Variants in SH2D4A observed in about 807,000 individuals in gnomAD.
SH2D4A encodes SH2 domain containing 4A.
A neutral mutation model predicts 64.7 loss-of-function variants in SH2D4A; 70 were observed. That is an observed-to-expected ratio of 1.08 (90% CI 0.89 to 1.32). SH2D4A has a LOEUF of 1.32. SH2D4A is among the 40% of genes most tolerant of loss of function. The pLI is 0.00. For synonymous variants in SH2D4A, 268 were observed against 200.7 expected (o/e 1.34, Z -2.83); for missense variants, 706 against 540.1 (o/e 1.31, Z -3.04).
chr8:19,337,822 C>T (rs1031334145), intron 4 of SH2D4A, among the ~76,000 whole-genome samples: 2 of 152,248 alleles, frequency 1.3e-5, no homozygotes, highest in African/African-American at 4.8e-5. Context: ...AACTGCCTCC[C>T]ACCAGGTTCC....
rs187918541 is a variant in SH2D4A at position 19,355,580 on chromosome 8, A to C, written c.514-1623A>C. The stretch of plus-strand genomic sequence containing the variant: ...ATTTTCTTATCACTACAATGTCAAC[A>C]TAGTGGAAAAAGCATAAACTCTGGC... On this transcript the variant is annotated intron_variant, in intron 4 of 9. Transcript: ENST00000265807. Among the ~76,000 whole-genome samples, 22 of 152,352 alleles carry C rather than the reference A, an allele frequency of 1.4e-4. No homozygotes were observed. In the East Asian group the frequency reaches 3.9e-3, roughly 27 times the overall value.
chr8:19,324,614 G>T (rs532110760), intron 2 of SH2D4A, among the ~76,000 whole-genome samples: 2 of 152,108 alleles, frequency 1.3e-5, no homozygotes, highest in East Asian at 1.9e-4. Context: ...GCCCAGTCAC[G>T]AGTGTCTTGC....
chr8:19,314,036 C>G (rs1585136056), intron 1 of SH2D4A: 1 of 15,876 alleles, frequency 6.3e-5, no homozygotes, highest in Non-Finnish European at 6.8e-5. Flanking sequence ...GGCGGGTGTC[C>G]GGTGTCCGGT....
chr8:19,348,146 A>C (rs2052640894), intron 4 of SH2D4A, among the ~76,000 whole-genome samples: 1 of 152,094 alleles, frequency 6.6e-6, no homozygotes, highest in Admixed American at 6.5e-5. Context: ...CCCAGGCTGG[A>C]GTGCCACGGT....
intron 8 of SH2D4A, among the ~76,000 whole-genome samples, chr8:19,380,334 T>C (rs2053270857): frequency 6.6e-6 from 1 of 152,234 alleles, no homozygotes; most frequent in Admixed American, 6.5e-5. Flanking sequence ...CTTTTTACTC[T>C]GTTGAGAGTG....
intron 1 of SH2D4A, among the ~76,000 whole-genome samples, chr8:19,318,337 C>T (rs967231437): frequency 2.0e-5 from 3 of 152,236 alleles, no homozygotes; most frequent in Non-Finnish European, 4.4e-5. Context: ...CTGCTGATTA[C>T]AAAAGTATGA....
At position 19,365,013 on chromosome 8, in the gene SH2D4A, G is replaced by A. The variant is rs998983708; in HGVS notation, c.917+731G>A. On this transcript the variant is annotated intron_variant, in intron 7 of 9. Coordinates refer to ENST00000265807, the MANE Select transcript of SH2D4A (RefSeq NM_022071.4). The stretch of plus-strand genomic sequence containing the variant: ...TATTGATCTTATTTTTAACATCCTA[G>A]TATTTAGAAAGAAGTATTAAAATCA... 2.6e-5 allele frequency among the ~76,000 whole-genome samples: 4 copies of A among 152,244 alleles called. No individual in the cohort carries two copies. In the East Asian group the frequency reaches 7.7e-4, roughly 29 times the overall value.
At chr8:19,370,567 G>A (rs1302789846) in intron 7 of SH2D4A, among the ~76,000 whole-genome samples, 1 of 151,852 alleles carries the variant, frequency 6.6e-6, no homozygotes, top group Non-Finnish European at 1.5e-5. Flanking sequence ...GTTGTCTTTT[G>A]GTTTCCATTT....
intron 8 of SH2D4A, among the ~76,000 whole-genome samples, chr8:19,392,636 A>G (rs1022545413): frequency 1.3e-5 from 2 of 152,112 alleles, no homozygotes; most frequent in Non-Finnish European, 1.5e-5. Flanking sequence ...CAGATCTAAC[A>G]TTCCCAGGAT....
intron 8 of SH2D4A, among the ~76,000 whole-genome samples, chr8:19,379,411 T>C (rs2053252095): frequency 6.6e-6 from 1 of 152,212 alleles, no homozygotes; most frequent in Non-Finnish European, 1.5e-5. Flanking sequence ...TGCTTACCCA[T>C]TATCTGTTGA....
At chr8:19,321,727 C>T (rs2052195210) in intron 2 of SH2D4A, among the ~76,000 whole-genome samples, 1 of 152,086 alleles carries the variant, frequency 6.6e-6, no homozygotes, top group African/African-American at 2.4e-5. Flanking sequence ...ATAATTGGGT[C>T]TCTTCTGGGC....
chr8:19,367,459 T>C (rs1288031254), intron 7 of SH2D4A, among the ~76,000 whole-genome samples: 1 of 152,154 alleles, frequency 6.6e-6, no homozygotes, highest in Non-Finnish European at 1.5e-5. Context: ...GGCAAGGTGA[T>C]ATTGTGGTTT....
chr8:19,323,949 G>A (rs2052231839), intron 2 of SH2D4A, among the ~76,000 whole-genome samples: 1 of 152,156 alleles, frequency 6.6e-6, no homozygotes, highest in African/African-American at 2.4e-5. Flanking sequence ...TGACACAGCT[G>A]GAATAGATCC....
chr8:19,367,477 C>G (rs1348568636), intron 7 of SH2D4A, among the ~76,000 whole-genome samples: 1 of 152,124 alleles, frequency 6.6e-6, no homozygotes, highest in Non-Finnish European at 1.5e-5. Context: ...TTTTGATGTG[C>G]ATTTCCCTGA....
At chr8:19,322,874 C>T (rs2052215556) in intron 2 of SH2D4A, among the ~76,000 whole-genome samples, 1 of 151,954 alleles carries the variant, frequency 6.6e-6, no homozygotes, top group Non-Finnish European at 1.5e-5. Context: ...AGGGTTTCAC[C>T]ATGTTGGCCA....
Position 19,333,082 on chromosome 8 carries a change from G to T in SH2D4A, c.309G>T (p.Arg103=). The T allele has an allele frequency of 6.2e-7, 1 of 1,613,704 alleles. No individual in the cohort carries two copies. The highest frequency in any genetic ancestry group is 8.5e-7 in the Non-Finnish European group (1 of 1,179,914). The change falls in exon 3 of 10, where the codon CGG becomes CGT. Residue 103 remains arginine, a synonymous_variant. Coordinates refer to ENST00000265807, the MANE Select transcript of SH2D4A (RefSeq NM_022071.4). ...ATGAAATTATTGCTGAGAGGGCCCG[G>T]CTGAAAGCAGAACAGGAGGCAGAAG... ...LCNEIIAERA[R]LKAEQEAEEP... is the part of the protein sequence containing the mutation.
At chr8:19,369,157 T>G (rs1316216401) in intron 7 of SH2D4A, among the ~76,000 whole-genome samples, 1 of 152,166 alleles carries the variant, frequency 6.6e-6, no homozygotes, top group Non-Finnish European at 1.5e-5. Flanking sequence ...TGTTGAACCA[T>G]CCTTGCGTCC....
chr8:19,319,275 T>C, intron 1 of SH2D4A, 69 bp from the exon 2 acceptor site: 1 of 1,088,642 alleles, frequency 9.2e-7, no homozygotes, highest in Non-Finnish European at 1.1e-6. Context: ...CTTTTTTTTT[T>C]AAACCCGTCC....
chr8:19,351,970 A>G (rs1786465450), intron 4 of SH2D4A, among the ~76,000 whole-genome samples: 1 of 152,122 alleles, frequency 6.6e-6, no homozygotes, highest in Admixed American at 6.5e-5. Context: ...TTTCGTAGAG[A>G]TGGGGTTTCA....
Sources: gnomAD v4.1 joint callset for allele counts (sites outside exome capture counted in the v4.1 genomes callset) on GRCh38, gnomAD v4.1.1 for gene constraint, MANE v1.5 for transcripts, NCBI Gene and HGNC (gene_info 2026-07-23, HGNC 2026-07-21) for gene names.